Variants in ANKMY2 observed in about 807,000 individuals in gnomAD.
The protein encoded by ANKMY2 is ankyrin repeat and MYND domain containing 2, also known as ankyrin repeat and MYND domain-containing protein 2.
ANKMY2 carries 36 observed loss-of-function variants against 50.4 expected under a neutral mutation model. The ratio of observed to expected loss-of-function variants is 0.71; its 90% CI spans 0.55 to 0.94. The LOEUF (loss-of-function observed/expected upper bound fraction) is 0.94, where lower values mean the gene tolerates loss of function less well. Ranked by LOEUF, ANKMY2 falls within the 40% of genes least tolerant of loss-of-function variation. ANKMY2 has a pLI of 0.00. For missense variants in ANKMY2, 565 were observed against 524.0 expected (o/e 1.08, Z -0.76); for synonymous variants, 187 against 178.8 (o/e 1.05, Z -0.36).
chr7:16,628,784 G>A (rs1009421010), intron 2 of ANKMY2, among the ~76,000 whole-genome samples: 1 of 152,066 alleles, frequency 6.6e-6, no homozygotes, highest in African/African-American at 2.4e-5. Flanking sequence ...TCATCATGGA[G>A]TTTGTTTTTT....
Position 16,600,687 on chromosome 7 carries a change from G to A in ANKMY2, c.*74C>T. 1.5e-6 allele frequency: 2 copies of A among 1,377,320 alleles called. No homozygotes were observed. Among genetic ancestry groups the A allele is most frequent in the Non-Finnish European group, 2.0e-6 (2 of 1,020,912 alleles). 85.3% of individuals were successfully genotyped at this position (1,377,320 alleles called of 1,614,324 possible). On this transcript the variant is annotated 3_prime_UTR_variant, in exon 10 of 10. Transcript: ENST00000306999. Reference sequence around the variant, plus strand: ...GTGCCACGCAGGTATAACAAGGTGAGGACAATGCATTCCTAGGAGTTTTCC... The same window carrying A: ...GTGCCACGCAGGTATAACAAGGTGAAGACAATGCATTCCTAGGAGTTTTCC...
intron 2 of ANKMY2, among the ~76,000 whole-genome samples, chr7:16,633,751 A>C (rs1781619331): frequency 6.6e-6 from 1 of 152,152 alleles, no homozygotes; most frequent in Non-Finnish European, 1.5e-5. Context: ...TATACAGTCC[A>C]TGTACTGTTA....
intron 7 of ANKMY2, 76 bp from the exon 8 acceptor site, chr7:16,604,925 G>A (rs935345821): frequency 2.9e-6 from 4 of 1,401,174 alleles, no homozygotes; most frequent in Non-Finnish European, 3.8e-6. Flanking sequence ...TCAGCCCACG[G>A]ACACTGCCGT....
At chr7:16,610,991 G>A (rs941739477) in intron 5 of ANKMY2, among the ~76,000 whole-genome samples, 1 of 152,220 alleles carries the variant, frequency 6.6e-6, no homozygotes, top group Non-Finnish European at 1.5e-5. Flanking sequence ...AAGTTATAAT[G>A]TGATCTTCCA....
intron 3 of ANKMY2, among the ~76,000 whole-genome samples, chr7:16,625,618 A>G (rs1781496954): frequency 6.6e-6 from 1 of 152,186 alleles, no homozygotes; most frequent in Admixed American, 6.5e-5. Context: ...TACTCAGTGA[A>G]AAGTATTTTC....
chr7:16,636,566 CAG>C (rs1781665491), intron 1 of ANKMY2, 111 bp from the exon 2 acceptor site: 1 of 705,994 alleles, frequency 1.4e-6, no homozygotes, highest in African/African-American at 1.8e-5. Flanking sequence ...TACATCTAGT[CAG>C]TGTAGGTTGC....
chr7:16,601,575 G>A (rs1781064415), intron 9 of ANKMY2, among the ~76,000 whole-genome samples: 1 of 152,214 alleles, frequency 6.6e-6, no homozygotes, highest in African/African-American at 2.4e-5. Flanking sequence ...AAGGATAAAT[G>A]GTTTAATTGT....
At chr7:16,642,233 A>T (rs1781756140) in intron 1 of ANKMY2, among the ~76,000 whole-genome samples, 1 of 152,236 alleles carries the variant, frequency 6.6e-6, no homozygotes, top group Non-Finnish European at 1.5e-5. Flanking sequence ...GCCTTAAAAA[A>T]GGTTTAATTT....
intron 4 of ANKMY2, among the ~76,000 whole-genome samples, chr7:16,623,268 T>C (rs1218732660): frequency 2.6e-5 from 4 of 152,214 alleles, no homozygotes; most frequent in Admixed American, 6.5e-5. Context: ...GGGTGCAATG[T>C]AATTTTCTGT....
Position 16,600,821 on chromosome 7 carries a change from G to A in ANKMY2, c.1266C>T (p.Ser422=), listed in dbSNP as rs771684492. ...SGEGKKESLE[S]EAELEGLQDA... ...CCTGTAAGCCTTCCAACTCAGCTTC[G>A]CTTTCAAGAGATTCTTTCTTTCCTT... Residue 422 remains serine (S), a synonymous_variant, in exon 10 of 10, where the codon AGC becomes AGT. Transcript: ENST00000306999. 10 of 1,613,382 alleles carry A rather than the reference G, an allele frequency of 6.2e-6. No homozygotes were observed. Among genetic ancestry groups the A allele is most frequent in the South Asian group, 2.2e-5 (2 of 91,014 alleles).
At chr7:16,633,382 A>G (rs1360775773) in intron 2 of ANKMY2, among the ~76,000 whole-genome samples, 1 of 151,934 alleles carries the variant, frequency 6.6e-6, no homozygotes, top group African/African-American at 2.4e-5. Context: ...ATGAACTGAA[A>G]GCTCAGAACA....
rs1169866691 is a variant in ANKMY2 at position 16,627,128 on chromosome 7, C to A, written c.183G>T (p.Met61Ile). Reference sequence around the variant, plus strand: ...CTCCATGTCGCAGTAGTAATTTGCACATATCGAGTTTTCCTTTATATGCTG... The same window carrying A: ...CTCCATGTCGCAGTAGTAATTTGCAAATATCGAGTTTTCCTTTATATGCTG... ...MHAAYKGKLD[M>I]CKLLLRHGAD... The change falls in exon 3 of 10, where the codon ATG becomes ATT. Residue 61 changes from methionine to isoleucine, a missense_variant. Met to Ile is a conservative substitution (Grantham distance 10). Coordinates refer to ENST00000306999, the MANE Select transcript of ANKMY2 (RefSeq NM_020319.3). 5.6e-6 allele frequency: 9 copies of A among 1,611,494 alleles called. No homozygotes were observed. The highest frequency in any genetic ancestry group is 1.7e-5 in the Admixed American group (1 of 59,674).
At chr7:16,626,059 G>A (rs942844292) in intron 3 of ANKMY2, among the ~76,000 whole-genome samples, 1 of 142,790 alleles carries the variant, frequency 7.0e-6, no homozygotes, top group Non-Finnish European at 1.5e-5. Context: ...TCAGCTCACT[G>A]CAACCTCTGC....
At chr7:16,636,966 T>C (rs763639272) in intron 1 of ANKMY2, among the ~76,000 whole-genome samples, 1 of 152,210 alleles carries the variant, frequency 6.6e-6, no homozygotes. Context: ...TAGTACTACA[T>C]TACAGTGCTC....
chr7:16,629,354 G>T (rs535402875), intron 2 of ANKMY2, among the ~76,000 whole-genome samples: 1 of 152,252 alleles, frequency 6.6e-6, no homozygotes, highest in East Asian at 1.9e-4. Flanking sequence ...TGGCCAACAT[G>T]GCAAAACCCT....
At chr7:16,619,599 T>C (rs766339015) in intron 4 of ANKMY2, among the ~76,000 whole-genome samples, 11 of 152,222 alleles carry the variant, frequency 7.2e-5, no homozygotes, top group Non-Finnish European at 1.6e-4. Flanking sequence ...TTAAAGTTTA[T>C]CTTTGTAAAT....
Position 16,632,905 on chromosome 7 carries a change from C to T in ANKMY2, c.132+3486G>A, listed in dbSNP as rs79121875. 1.1e-3 allele frequency among the ~76,000 whole-genome samples: 165 copies of T among 152,320 alleles called. 2 individuals carry two copies. In the East Asian group the frequency reaches 0.029, roughly 27 times the overall value. On this transcript the variant is annotated intron_variant, in intron 2 of 9. Transcript: ENST00000306999. ...GGGCTCCAATTTCTTTACATCCTTG[C>T]TAATACCTGCTATACCACCTTTCTG...
rs149310760 is a variant in ANKMY2, at chr7:16,606,260, G to A, written c.883-1411C>T. ...AGCCTGACCAACTTGGTGAAGCCCCGACTCTACTGAAAATACAAAAATTAG... is the reference window on the plus strand; with the variant it reads ...AGCCTGACCAACTTGGTGAAGCCCCAACTCTACTGAAAATACAAAAATTAG... On this transcript the variant is annotated intron_variant, in intron 7 of 9. Transcript: ENST00000306999. Among the ~76,000 whole-genome samples the A allele has an allele frequency of 7.6e-3, 1,155 of 152,044 alleles. 18 individuals carry two copies. The highest frequency in any genetic ancestry group is 0.026 in the African/African-American group (1,087 of 41,482).
At chr7:16,614,503 T>C (rs1781309336) in intron 5 of ANKMY2, among the ~76,000 whole-genome samples, 2 of 152,266 alleles carry the variant, frequency 1.3e-5, no homozygotes, top group South Asian at 4.1e-4. Context: ...TTAATTTGGG[T>C]GGAGGAACAC....
Sources: gnomAD v4.1 joint callset for allele counts (sites outside exome capture counted in the v4.1 genomes callset) on GRCh38, gnomAD v4.1.1 for gene constraint, MANE v1.5 for transcripts, NCBI Gene and HGNC (gene_info 2026-07-23, HGNC 2026-07-21) for gene names.